The following ASB15 variants were observed in gnomAD, a reference collection of about 807,000 sequenced individuals.
The protein encoded by ASB15 is ankyrin repeat and SOCS box containing 15.
ASB15 carries 54 observed loss-of-function variants against 58.0 expected under a neutral mutation model. The ratio of observed to expected loss-of-function variants is 0.93; its 90% CI spans 0.75 to 1.17. The LOEUF (loss-of-function observed/expected upper bound fraction) is 1.17. Among genes scored for constraint, ASB15 ranks in the 50% most tolerant of loss-of-function variants. The pLI is 0.00. For synonymous variants in ASB15, 249 were observed against 262.4 expected (o/e 0.95, Z 0.50); for missense variants, 680 against 707.4 (o/e 0.96, Z 0.44).
At chr7:123,599,763 C>CATG (rs1330066565), upstream of ASB15, among the ~76,000 whole-genome samples, 2 of 152,110 alleles carry the variant, frequency 1.3e-5, no homozygotes, top group Non-Finnish European at 2.9e-5. Context: ...GCATTTCTTG[C>CATG]TATATATAGA....
At chr7:123,615,938 A>G (rs551833398) in intron 4 of ASB15, among the ~76,000 whole-genome samples, 4 of 152,186 alleles carry the variant, frequency 2.6e-5, no homozygotes, top group Non-Finnish European at 2.9e-5. Flanking sequence ...TCTGACTCCA[A>G]TTGTTTACTC....
At chr7:123,592,003 C>T (rs1361642222) in intron 1 of ASB15, among the ~76,000 whole-genome samples, 1 of 152,080 alleles carries the variant, frequency 6.6e-6, no homozygotes, top group Non-Finnish European at 1.5e-5. Flanking sequence ...TTCAGAGATT[C>T]AACTTTTTCC....
intron 8 of ASB15, among the ~76,000 whole-genome samples, chr7:123,625,368 TA>T (rs1801705020): frequency 6.6e-6 from 1 of 152,162 alleles, no homozygotes; most frequent in Non-Finnish European, 1.5e-5. Context: ...AGAATCACAG[TA>T]CATACTGCAA....
chr7:123,624,859 C>T (rs369971638), intron 8 of ASB15, 45 bp downstream of exon 8: 5 of 1,568,870 alleles, frequency 3.2e-6, no homozygotes, highest in African/African-American at 1.4e-5. Flanking sequence ...TCCTGCCTCT[C>T]GAACTCTCCT....
At chr7:123,593,300 T>C (rs946040361) in intron 1 of ASB15, among the ~76,000 whole-genome samples, 1 of 152,192 alleles carries the variant, frequency 6.6e-6, no homozygotes, top group Non-Finnish European at 1.5e-5. Flanking sequence ...ATGTGTGAGT[T>C]TGATCCTGCC....
At chr7:123,572,070 G>A (rs980222248) in intron 1 of ASB15, among the ~76,000 whole-genome samples, 5 of 149,400 alleles carry the variant, frequency 3.3e-5, no homozygotes, top group African/African-American at 9.8e-5. Context: ...TTACAGGTGT[G>A]AGCCAGTGTG....
At chr7:123,604,933 C>T (rs147735761) in intron 2 of ASB15, among the ~76,000 whole-genome samples, 9 of 152,206 alleles carry the variant, frequency 5.9e-5, no homozygotes, top group Admixed American at 5.9e-4. Flanking sequence ...CACAGTTAAC[C>T]AGGCAGCTAA....
chr7:123,589,061 T>G (rs932617170), intron 1 of ASB15, among the ~76,000 whole-genome samples: 1 of 151,848 alleles, frequency 6.6e-6, no homozygotes, highest in African/African-American at 2.4e-5. Context: ...ATATGTCTGT[T>G]AGGTTCATTT....
Position 123,617,429 on chromosome 7 carries a change from C to T in ASB15, c.293-150C>T, listed in dbSNP as rs540558863. The T allele has an allele frequency of 3.1e-4, 218 of 702,792 alleles. 1 individual carries two copies. The South Asian group carries it at 5.4e-3, about 17-fold the overall frequency. The allele number at this position is 702,792 out of a possible 1,614,324, so 43.5% of individuals were successfully genotyped here. ...CCATGTGCATCTACTTTATCCTCACCGTCATTTGGTAAACTTTTGTCAAAG... is the reference window on the plus strand; with the variant it reads ...CCATGTGCATCTACTTTATCCTCACTGTCATTTGGTAAACTTTTGTCAAAG... On this transcript the variant is annotated intron_variant, in intron 6 of 11. Coordinates refer to ENST00000451215, the MANE Select transcript of ASB15 (RefSeq NM_001290258.2).
chr7:123,637,800 C>T lies in ASB15; in HGVS notation c.*819C>T, dbSNP rs1453226943. On this transcript the variant is annotated 3_prime_UTR_variant, in exon 12 of 12. Transcript: ENST00000451215. The stretch of plus-strand genomic sequence containing the variant: ...AGCTCAGCTCTTTCTCTCATGTTCT[C>T]CTGACCTATGTAGACAATTGGCCTC... 2 of 148,674 alleles carry T rather than the reference C, an allele frequency of 1.3e-5. No individual in the cohort carries two copies. Among genetic ancestry groups the T allele is most frequent in the African/African-American group, 5.0e-5 (2 of 40,192 alleles). 9.2% of individuals were successfully genotyped at this position (148,674 alleles called of 1,614,324 possible). A position where few individuals can be genotyped will look rare whatever the true frequency, so the allele number is the denominator to read the frequency against.
chr7:123,596,823 G>A (rs572364729), upstream of ASB15, among the ~76,000 whole-genome samples: 2 of 152,192 alleles, frequency 1.3e-5, no homozygotes, highest in South Asian at 4.1e-4. Context: ...CACATGAAAA[G>A]ATCAATTATT....
At chr7:123,597,280 T>C (rs1468371259), upstream of ASB15, among the ~76,000 whole-genome samples, 1 of 152,206 alleles carries the variant, frequency 6.6e-6, no homozygotes, top group Non-Finnish European at 1.5e-5. Context: ...GTTTTCCTGA[T>C]TGTCAGATCA....
At chr7:123,612,964 A>G (rs1474495484) in intron 3 of ASB15, among the ~76,000 whole-genome samples, 1 of 152,106 alleles carries the variant, frequency 6.6e-6, no homozygotes, top group Non-Finnish European at 1.5e-5. Context: ...TATGTGGTGA[A>G]TAAGATCTCT....
intron 1 of ASB15, among the ~76,000 whole-genome samples, chr7:123,581,414 TAAAAA>T (rs10642389): frequency 8.0e-6 from 1 of 124,456 alleles, no homozygotes; most frequent in Admixed American, 8.3e-5. Flanking sequence ...AGTGAGCACT[TAAAAA>T]AAAAAAAAAA....
chr7:123,578,668 A>G (rs969202875), intron 1 of ASB15, among the ~76,000 whole-genome samples: 3 of 152,110 alleles, frequency 2.0e-5, no homozygotes, highest in Non-Finnish European at 4.4e-5. Flanking sequence ...TGTTTACCAC[A>G]GCAATTTCAT....
At chr7:123,613,045 T>C (rs1420115294) in intron 3 of ASB15, among the ~76,000 whole-genome samples, 1 of 151,994 alleles carries the variant, frequency 6.6e-6, no homozygotes, top group Non-Finnish European at 1.5e-5. Flanking sequence ...GGTGACTATC[T>C]CGTGTGTGGT....
In ASB15 at chr7:123,630,034, T is replaced by C; in HGVS notation, c.1509T>C (p.Asp503=). The C allele has an allele frequency of 6.2e-7, 1 of 1,605,492 alleles. No individual in the cohort carries two copies. Among genetic ancestry groups the C allele is most frequent in the Non-Finnish European group, 8.5e-7 (1 of 1,172,786 alleles). Residue 503 remains aspartate (D), a synonymous_variant, in exon 11 of 12, where the codon GAT becomes GAC. Coordinates refer to ENST00000451215, the MANE Select transcript of ASB15 (RefSeq NM_001290258.2). The part of the protein sequence containing the change: ...LVGRVTRVLI[D]YMDYVPLCAK... ...GCAGAGTTACTCGTGTACTAATAGA[T>C]TACATGGATTATGTTCCTCTGTGTG...
intron 1 of ASB15, among the ~76,000 whole-genome samples, chr7:123,588,599 CT>C (rs796240492): frequency 7.1e-6 from 1 of 140,914 alleles, no homozygotes; most frequent in Admixed American, 7.2e-5. Context: ...TCCTTTCTGT[CT>C]TTTTTCTACT....
intron 8 of ASB15, 37 bp from the exon 9 acceptor site, chr7:123,627,073 C>T: frequency 1.9e-6 from 3 of 1,583,396 alleles, no homozygotes; most frequent in Non-Finnish European, 1.7e-6. Context: ...TAAACAATAC[C>T]ATCCAGTTAT....
Sources: gnomAD v4.1 joint callset for allele counts (sites outside exome capture counted in the v4.1 genomes callset) on GRCh38, gnomAD v4.1.1 for gene constraint, MANE v1.5 for transcripts, NCBI Gene and HGNC (gene_info 2026-07-23, HGNC 2026-07-21) for gene names.